Variants in BMP5 observed in about 807,000 individuals in gnomAD.
BMP5 encodes the protein bone morphogenetic protein 5.
A neutral mutation model predicts 46.6 loss-of-function variants in BMP5; 23 were observed. That is an observed-to-expected ratio of 0.49 (90% CI 0.35 to 0.70). The LOEUF is 0.70. Ranked by LOEUF, BMP5 falls within the 30% of genes least tolerant of loss-of-function variation. The pLI is 0.00. For missense variants in BMP5, 545 were observed against 565.6 expected (o/e 0.96, Z 0.37); for synonymous variants, 204 against 191.9 (o/e 1.06, Z -0.52).
chr6:55,864,963 T>C (rs951979462), intron 1 of BMP5, among the ~76,000 whole-genome samples: 1 of 151,802 alleles, frequency 6.6e-6, no homozygotes, highest in African/African-American at 2.4e-5. Context: ...GGCTGAATGG[T>C]ATTAAGTAGA....
intron 1 of BMP5, among the ~76,000 whole-genome samples, chr6:55,850,354 GTAGATAGATAGATAGATAGA>G (rs57677270): frequency 1.2e-5 from 1 of 83,186 alleles, no homozygotes; most frequent in Non-Finnish European, 2.7e-5. Context: ...AGGTAAGTAG[GTAGATAGATAGATAGATAGA>G]TAGATAGATA....
intron 1 of BMP5, among the ~76,000 whole-genome samples, chr6:55,840,074 A>G (rs1302175280): frequency 1.3e-5 from 2 of 152,096 alleles, no homozygotes; most frequent in Non-Finnish European, 2.9e-5. Flanking sequence ...TATTTCAGCT[A>G]TGTTTTACAG....
chr6:55,804,160 G>A (rs573959379), intron 2 of BMP5, among the ~76,000 whole-genome samples: 1 of 152,288 alleles, frequency 6.6e-6, no homozygotes, highest in Non-Finnish European at 1.5e-5. Context: ...TCATACTTGT[G>A]AATGTGATCT....
chr6:55,761,320 T>C (rs2397190), intron 4 of BMP5, among the ~76,000 whole-genome samples: 64,775 of 151,808 alleles, frequency 0.43, 13,951 homozygotes, highest in Middle Eastern at 0.58. Flanking sequence ...CTTGCTCCTC[T>C]ATAGCAAACT....
At chr6:55,791,757 A>G (rs1351083485) in intron 3 of BMP5, among the ~76,000 whole-genome samples, 2 of 152,218 alleles carry the variant, frequency 1.3e-5, no homozygotes, top group Non-Finnish European at 2.9e-5. Context: ...AGCAAGAGGG[A>G]AGATGGAAAT....
chr6:55,837,369 A>AGATAGATAGATAGATAGATG (rs371467921), intron 1 of BMP5, among the ~76,000 whole-genome samples: 4,281 of 149,048 alleles, frequency 0.029, 97 homozygotes, highest in African/African-American at 0.047. Flanking sequence ...ATAGATAGAT[A>AGATAGATAGATAGATAGATG]GATAGATAGA....
rs752442881 is a variant in BMP5 at position 55,755,553 on chromosome 6, G to T, written c.1345C>A (p.Arg449Ser). ...TAATATTAGTGGCAGCCACATGAGC[G>T]TACTACCATATTTCTATATTTTTTC... ...ILKKYRNMVV[R>S]SCGCH The change falls in exon 7 of 7, where the codon CGC becomes AGC. Residue 449 changes from arginine to serine, a missense_variant. Transcript: ENST00000370830. 2 of 1,610,054 alleles carry T rather than the reference G, an allele frequency of 1.2e-6. No homozygotes were observed. The highest frequency in any genetic ancestry group is 2.2e-5 in the South Asian group (2 of 90,894).
At chr6:55,863,309 ACTT>A (rs1169592801) in intron 1 of BMP5, among the ~76,000 whole-genome samples, 1 of 152,202 alleles carries the variant, frequency 6.6e-6, no homozygotes, top group African/African-American at 2.4e-5. Context: ...ATACTTTTTA[ACTT>A]CTTCAAAATT....
chr6:55,854,235 T>C (rs965274302), intron 1 of BMP5, among the ~76,000 whole-genome samples: 1 of 152,048 alleles, frequency 6.6e-6, no homozygotes, highest in African/African-American at 2.4e-5. Flanking sequence ...CAAGTAGGAG[T>C]GAAGACAGAT....
At chr6:55,836,440 T>C (rs1011372952) in intron 1 of BMP5, among the ~76,000 whole-genome samples, 1 of 152,124 alleles carries the variant, frequency 6.6e-6, no homozygotes, top group Admixed American at 6.5e-5. Context: ...TAGAGAGGTT[T>C]AAATCTAGAA....
rs1394006716 is a variant in BMP5 at position 55,789,238 on chromosome 6, C to T, written c.832+5041G>A. ...GAATAGAAAGAAAAAAAGTCACTGG[C>T]AAAATTCATTCTGAGTATTGCCAAA... On this transcript the variant is annotated intron_variant, in intron 3 of 6. Coordinates refer to ENST00000370830, the MANE Select transcript of BMP5 (RefSeq NM_021073.4). Among the ~76,000 whole-genome samples the T allele has an allele frequency of 4.6e-5, 7 of 151,880 alleles. No homozygotes were observed. The East Asian group carries it at 1.2e-3, about 25-fold the overall frequency.
At chr6:55,841,116 C>T (rs1776938453) in intron 1 of BMP5, among the ~76,000 whole-genome samples, 1 of 152,182 alleles carries the variant, frequency 6.6e-6, no homozygotes, top group South Asian at 2.1e-4. Context: ...AATCTAATGG[C>T]TGATGGTCTG....
At chr6:55,771,454 A>G (rs150456251) in intron 4 of BMP5, among the ~76,000 whole-genome samples, 3 of 151,848 alleles carry the variant, frequency 2.0e-5, no homozygotes, top group Non-Finnish European at 4.4e-5. Flanking sequence ...TTTCTGCAGG[A>G]AACCTGGAAG....
At chr6:55,783,807 T>C (rs1775382749) in intron 3 of BMP5, among the ~76,000 whole-genome samples, 1 of 151,984 alleles carries the variant, frequency 6.6e-6, no homozygotes, top group African/African-American at 2.4e-5. Flanking sequence ...TTGGTAAGAC[T>C]GGTGCTCTAT....
At position 55,798,330 on chromosome 6, in the gene BMP5, C is replaced by T. The variant is rs145641649; in HGVS notation, c.684-3903G>A. On this transcript the variant is annotated intron_variant, in intron 2 of 6. Transcript: ENST00000370830. ...ATAATACTAATACTAATACATAATA[C>T]TAATAAAGCGGGTTTTTTTAAGGTG... Among the ~76,000 whole-genome samples, 316 of 152,244 alleles carry T rather than the reference C, an allele frequency of 2.1e-3. 2 individuals are homozygous for T. The highest frequency in any genetic ancestry group is 2.7e-3 in the Non-Finnish European group (184 of 68,014).
At chr6:55,860,586 A>AAGAG (rs151303263) in intron 1 of BMP5, among the ~76,000 whole-genome samples, 3 of 151,316 alleles carry the variant, frequency 2.0e-5, no homozygotes, top group Non-Finnish European at 3.0e-5. Context: ...GCTAAAGGTA[A>AAGAG]AGAGAGAGAG....
At chr6:55,852,761 G>C (rs1777276909) in intron 1 of BMP5, among the ~76,000 whole-genome samples, 1 of 152,126 alleles carries the variant, frequency 6.6e-6, no homozygotes, top group Non-Finnish European at 1.5e-5. Flanking sequence ...CAGTACACTA[G>C]TTTGGTTTGC....
chr6:55,826,513 A>C (rs1175156143), intron 1 of BMP5, among the ~76,000 whole-genome samples: 3 of 151,608 alleles, frequency 2.0e-5, no homozygotes, highest in African/African-American at 7.2e-5. Context: ...AATAGTTTAG[A>C]AACAAGAATT....
intron 2 of BMP5, among the ~76,000 whole-genome samples, chr6:55,816,852 T>C (rs1167828450): frequency 1.3e-5 from 2 of 151,894 alleles, no homozygotes; most frequent in Non-Finnish European, 2.9e-5. Context: ...GTAAAGCCTT[T>C]GTAAGACTTT....
Sources: gnomAD v4.1 joint callset for allele counts (sites outside exome capture counted in the v4.1 genomes callset) on GRCh38, gnomAD v4.1.1 for gene constraint, MANE v1.5 for transcripts, NCBI Gene and HGNC (gene_info 2026-07-23, HGNC 2026-07-21) for gene names.